CDH13: variants seen among roughly 807,000 people sequenced by gnomAD.
The protein encoded by CDH13 is cadherin 13, also known as cadherin-13.
In CDH13, 24 loss-of-function variants were observed where a neutral mutation model predicts 63.8. The ratio of observed to expected loss-of-function variants is 0.38; its 90% CI spans 0.27 to 0.53. CDH13 has a LOEUF of 0.53. CDH13 is among the 20% of genes least tolerant of loss of function. CDH13 has a pLI of 0.85. For synonymous variants in CDH13, 503 were observed against 355.3 expected (o/e 1.42, Z -4.67); for missense variants, 1,049 against 903.1 (o/e 1.16, Z -2.07).
intron 1 of CDH13, among the ~76,000 whole-genome samples, chr16:82,842,727 T>TAATAC (rs2039085924): frequency 6.6e-6 from 1 of 151,954 alleles, no homozygotes; most frequent in African/African-American, 2.4e-5. Context: ...TATTACCTTA[T>TAATAC]ATAATGAAAT....
chr16:82,849,908 G>T (rs1298667913), intron 1 of CDH13, among the ~76,000 whole-genome samples: 2 of 152,186 alleles, frequency 1.3e-5, no homozygotes, highest in Non-Finnish European at 2.9e-5. Flanking sequence ...GCCCACTATT[G>T]AGAACTGCTG....
chr16:82,763,584 C>G (rs1049070375), intron 1 of CDH13, among the ~76,000 whole-genome samples: 1 of 152,192 alleles, frequency 6.6e-6, no homozygotes, highest in Non-Finnish European at 1.5e-5. Context: ...ATATATTTGA[C>G]AATGATAATT....
At chr16:82,896,580 G>A (rs996192500) in intron 2 of CDH13, among the ~76,000 whole-genome samples, 1 of 151,850 alleles carries the variant, frequency 6.6e-6, no homozygotes, top group Non-Finnish European at 1.5e-5. Context: ...ACAGGTGTGA[G>A]CCAAGGTGCC....
At chr16:83,676,506 G>T (rs183720626) in intron 9 of CDH13, among the ~76,000 whole-genome samples, 1 of 152,176 alleles carries the variant, frequency 6.6e-6, no homozygotes, top group African/African-American at 2.4e-5. Context: ...TTACTTTACC[G>T]AAGTTGCACA....
chr16:82,698,764 A>G (rs759196947), intron 1 of CDH13, among the ~76,000 whole-genome samples: 1 of 152,206 alleles, frequency 6.6e-6, no homozygotes, highest in African/African-American at 2.4e-5. Context: ...TTTACAATCT[A>G]TTACAGGAAG....
At chr16:83,527,566 G>A (rs1469287916) in intron 7 of CDH13, among the ~76,000 whole-genome samples, 1 of 152,142 alleles carries the variant, frequency 6.6e-6, no homozygotes, top group Non-Finnish European at 1.5e-5. Context: ...TATAGAAACG[G>A]CCCAGGGCAA....
chr16:83,732,813 G>A (rs1046088820), intron 10 of CDH13, among the ~76,000 whole-genome samples: 4 of 152,104 alleles, frequency 2.6e-5, no homozygotes, highest in African/African-American at 9.7e-5. Context: ...TCATCACAGA[G>A]CCTTGAAATC....
intron 7 of CDH13, among the ~76,000 whole-genome samples, chr16:83,553,950 C>G (rs542477186): frequency 5.4e-4 from 82 of 152,266 alleles, no homozygotes; most frequent in African/African-American, 1.9e-3. Context: ...AATTTTGTGT[C>G]TTTTATAGGT....
intron 2 of CDH13, among the ~76,000 whole-genome samples, chr16:82,967,181 C>A (rs1907967544): frequency 6.6e-6 from 1 of 152,112 alleles, no homozygotes; most frequent in South Asian, 2.1e-4. Flanking sequence ...AAGGAACTTC[C>A]TATGTCAACA....
At chr16:82,959,039 A>G (rs990319654) in intron 2 of CDH13, among the ~76,000 whole-genome samples, 34 of 152,228 alleles carry the variant, frequency 2.2e-4, no homozygotes, top group Non-Finnish European at 4.4e-4. Context: ...GGCGAGGAGC[A>G]AGGCTTCCCC....
At chr16:83,794,160 G>A (rs1485724250) in intron 13 of CDH13, among the ~76,000 whole-genome samples, 1 of 152,198 alleles carries the variant, frequency 6.6e-6, no homozygotes, top group Non-Finnish European at 1.5e-5. Flanking sequence ...ATAAGACTGA[G>A]CTCAGTCTTC....
At chr16:83,429,163 A>G (rs1301694953) in intron 6 of CDH13, among the ~76,000 whole-genome samples, 1 of 152,202 alleles carries the variant, frequency 6.6e-6, no homozygotes, top group Non-Finnish European at 1.5e-5. Context: ...GACTTTCTAT[A>G]AGACTGGATC....
intron 6 of CDH13, among the ~76,000 whole-genome samples, chr16:83,432,300 C>T (rs2072143640): frequency 6.6e-6 from 1 of 152,186 alleles, no homozygotes; most frequent in South Asian, 2.1e-4. Flanking sequence ...GCTGCAGTAG[C>T]TCCTTCTAGT....
At chr16:83,108,548 A>G (rs1336245346) in intron 3 of CDH13, among the ~76,000 whole-genome samples, 1 of 152,230 alleles carries the variant, frequency 6.6e-6, no homozygotes, top group South Asian at 2.1e-4. Context: ...TGCAAAGGGC[A>G]CAAACTTCCT....
chr16:82,646,057 C>T (rs9928814), intron 1 of CDH13, among the ~76,000 whole-genome samples: 28,427 of 152,170 alleles, frequency 0.19, 2,725 homozygotes, highest in Middle Eastern at 0.25. Flanking sequence ...TCTTCAAGAG[C>T]AAACAATGAG....
intron 1 of CDH13, among the ~76,000 whole-genome samples, chr16:82,647,065 C>T (rs79328052): frequency 3.9e-5 from 6 of 152,308 alleles, no homozygotes; most frequent in South Asian, 4.1e-4. Flanking sequence ...GCCCAGGCCT[C>T]GAGGGAAGGT....
intron 6 of CDH13, among the ~76,000 whole-genome samples, chr16:83,460,697 T>A (rs1390716464): frequency 6.6e-6 from 1 of 152,080 alleles, no homozygotes; most frequent in African/African-American, 2.4e-5. Context: ...AATAATAGAT[T>A]TAAAATTGCA....
intron 11 of CDH13, among the ~76,000 whole-genome samples, chr16:83,773,952 G>T (rs1914933249): frequency 6.6e-6 from 1 of 152,008 alleles, no homozygotes; most frequent in African/African-American, 2.4e-5. Flanking sequence ...TCCCTGCCTG[G>T]CATGGTCTTG....
At chr16:82,635,120 C>G (rs1567575139) in intron 1 of CDH13, among the ~76,000 whole-genome samples, 1 of 152,250 alleles carries the variant, frequency 6.6e-6, no homozygotes, top group Admixed American at 6.5e-5. Context: ...TTCTCCTCCA[C>G]TAGACTATAA....
Sources: gnomAD v4.1 joint callset for allele counts (sites outside exome capture counted in the v4.1 genomes callset) on GRCh38, gnomAD v4.1.1 for gene constraint, MANE v1.5 for transcripts, NCBI Gene and HGNC (gene_info 2026-07-23, HGNC 2026-07-21) for gene names.